The following DKK2 variants were observed in gnomAD, a reference collection of about 807,000 sequenced individuals.
DKK2 encodes dickkopf-related protein 2.
Under a neutral mutation model 28.1 loss-of-function variants are expected in DKK2, and 11 were observed. The observed-to-expected ratio is 0.39, with a 90% CI of 0.25 to 0.65. The LOEUF (loss-of-function observed/expected upper bound fraction) is 0.65. Among genes scored for constraint, DKK2 ranks in the 30% least tolerant of loss-of-function variants. The pLI is 0.47. For synonymous variants in DKK2, 135 were observed against 126.5 expected (o/e 1.07, Z -0.45); for missense variants, 326 against 335.5 (o/e 0.97, Z 0.22).
intron 1 of DKK2, among the ~76,000 whole-genome samples, chr4:107,009,057 C>T (rs1452097455): frequency 1.3e-5 from 2 of 151,898 alleles, no homozygotes; most frequent in Non-Finnish European, 2.9e-5. Context: ...CAAACGTGAA[C>T]ATCAAGGGTT....
rs983010386 is a variant in DKK2, at chr4:107,036,303, C to T, written c.-712G>A. ...CGCTCGCCGCGGGCTCCCGCTTTCT[C>T]TCTCTCTGCTCTCTCCCCAGTCCTC... On this transcript the variant is annotated 5_prime_UTR_variant, in exon 1 of 4. Coordinates refer to ENST00000285311, the MANE Select transcript of DKK2 (RefSeq NM_014421.3). 24 of 152,208 alleles carry T rather than the reference C, an allele frequency of 1.6e-4. No homozygotes were observed. Among genetic ancestry groups the T allele is most frequent in the African/African-American group, 4.8e-4 (20 of 41,478 alleles). The allele number at this position is 152,208 out of a possible 1,614,324, so 9.4% of individuals were successfully genotyped here.
chr4:106,942,915 T>C (rs1312398295), intron 1 of DKK2, among the ~76,000 whole-genome samples: 2 of 152,164 alleles, frequency 1.3e-5, no homozygotes, highest in African/African-American at 2.4e-5. Flanking sequence ...CTATTCTTAA[T>C]ATGCTGTATA....
chr4:107,011,623 T>C (rs1723518787), intron 1 of DKK2, among the ~76,000 whole-genome samples: 1 of 151,430 alleles, frequency 6.6e-6, no homozygotes, highest in South Asian at 2.1e-4. Flanking sequence ...AGTCAACATG[T>C]AATAAAATAA....
At chr4:106,987,809 A>C (rs1196240247) in intron 1 of DKK2, among the ~76,000 whole-genome samples, 1 of 151,474 alleles carries the variant, frequency 6.6e-6, no homozygotes, top group African/African-American at 2.4e-5. Flanking sequence ...AATAGTTAAA[A>C]GTTGATTTCC....
chr4:107,016,613 T>C (rs1006542096), intron 1 of DKK2, among the ~76,000 whole-genome samples: 4 of 152,010 alleles, frequency 2.6e-5, no homozygotes, highest in Non-Finnish European at 5.9e-5. Flanking sequence ...TGTTTTTAGC[T>C]ATTTTTCTGT....
intron 1 of DKK2, among the ~76,000 whole-genome samples, chr4:106,975,703 T>C (rs1254290827): frequency 6.6e-6 from 1 of 152,134 alleles, no homozygotes; most frequent in African/African-American, 2.4e-5. Flanking sequence ...CCTAGATTCA[T>C]TAATTTTTGG....
intron 1 of DKK2, among the ~76,000 whole-genome samples, chr4:106,994,518 C>T (rs1318582390): frequency 6.6e-6 from 1 of 151,098 alleles, no homozygotes; most frequent in Non-Finnish European, 1.5e-5. Context: ...CACACACACA[C>T]ATAGGACAAG....
chr4:106,966,816 T>G (rs1722787461), intron 1 of DKK2, among the ~76,000 whole-genome samples: 1 of 152,168 alleles, frequency 6.6e-6, no homozygotes, highest in African/African-American at 2.4e-5. Context: ...CTCATGAGAC[T>G]CATTCACTAT....
rs187708671 is a variant in DKK2 at position 107,030,160 on chromosome 4, A to C, written c.222+5210T>G. On this transcript the variant is annotated intron_variant, in intron 1 of 3. Coordinates refer to ENST00000285311, the MANE Select transcript of DKK2 (RefSeq NM_014421.3). Reference sequence around the variant, plus strand: ...TTCTGCTTTAAAGTTTTCTTTGATTAAATTTGCCATTACAAAGAAAAGAAC... The same window carrying C: ...TTCTGCTTTAAAGTTTTCTTTGATTCAATTTGCCATTACAAAGAAAAGAAC... Among the ~76,000 whole-genome samples the C allele has an allele frequency of 5.6e-3, 849 of 152,238 alleles. 6 individuals are homozygous for C. Among genetic ancestry groups the C allele is most frequent in the Non-Finnish European group, 6.9e-3 (471 of 67,934 alleles).
chr4:106,937,612 C>A (rs1367238498), intron 1 of DKK2, among the ~76,000 whole-genome samples: 1 of 151,860 alleles, frequency 6.6e-6, no homozygotes. Flanking sequence ...CTTCACCAAG[C>A]GGACCTAATA....
chr4:106,983,314 A>G lies in DKK2; in HGVS notation c.222+52056T>C, dbSNP rs144991400. Among the ~76,000 whole-genome samples, 434 of 140,448 alleles carry G rather than the reference A, an allele frequency of 3.1e-3. 2 individuals carry two copies. The highest frequency in any genetic ancestry group is 0.011 in the African/African-American group (421 of 36,664). The allele number at this position is 140,448 out of a possible 152,430, so 92.1% of individuals were successfully genotyped here. On this transcript the variant is annotated intron_variant, in intron 1 of 3. Transcript: ENST00000285311. ...GAAAGAAAAGAAAGGAAGAAGAAAG[A>G]AAGAAGAAAGAAAGGAAGAAAGGAA...
In DKK2 at chr4:107,035,742, C is replaced by T; in HGVS notation, c.-151G>A. ...CCTTCCTGGTTCGGGGACCCAGGAC[C>T]CTATGAACTCAGTCTCACGCCTCAG... On this transcript the variant is annotated 5_prime_UTR_variant, in exon 1 of 4. Coordinates refer to ENST00000285311, the MANE Select transcript of DKK2 (RefSeq NM_014421.3). The T allele has an allele frequency of 1.4e-6, 1 of 715,986 alleles. No homozygotes were observed. Among genetic ancestry groups the T allele is most frequent in the Non-Finnish European group, 2.3e-6 (1 of 436,912 alleles). 44.4% of individuals were successfully genotyped at this position (715,986 alleles called of 1,614,324 possible). A position where few individuals can be genotyped will look rare whatever the true frequency, so the allele number is the denominator to read the frequency against.
At chr4:106,982,727 G>GGA (rs1047123331) in intron 1 of DKK2, among the ~76,000 whole-genome samples, 9 of 151,804 alleles carry the variant, frequency 5.9e-5, no homozygotes, top group African/African-American at 1.7e-4. Flanking sequence ...GTAAAGCAGA[G>GGA]GAGAGAGAGA....
At chr4:107,018,875 G>A (rs1468160035) in intron 1 of DKK2, among the ~76,000 whole-genome samples, 2 of 152,068 alleles carry the variant, frequency 1.3e-5, no homozygotes, top group Admixed American at 6.6e-5. Flanking sequence ...TGCAATTTGG[G>A]GAGCTGAATT....
At chr4:107,034,465 A>G (rs1260819797) in intron 1 of DKK2, among the ~76,000 whole-genome samples, 1 of 151,994 alleles carries the variant, frequency 6.6e-6, no homozygotes, top group African/African-American at 2.4e-5. Context: ...ACTGGTACCG[A>G]GTGTGCGCGC....
chr4:107,016,027 G>A (rs1431963516), intron 1 of DKK2, among the ~76,000 whole-genome samples: 3 of 151,668 alleles, frequency 2.0e-5, no homozygotes, highest in Admixed American at 6.6e-5. Flanking sequence ...TTGTCATAAC[G>A]CCTCTTGTGT....
At chr4:106,969,532 A>C (rs1722832220) in intron 1 of DKK2, among the ~76,000 whole-genome samples, 1 of 152,094 alleles carries the variant, frequency 6.6e-6, no homozygotes, top group African/African-American at 2.4e-5. Context: ...AAGGAGAAGA[A>C]GAGGACAGTG....
intron 1 of DKK2, among the ~76,000 whole-genome samples, chr4:106,969,022 A>G (rs1276424923): frequency 6.6e-6 from 1 of 152,102 alleles, no homozygotes; most frequent in Non-Finnish European, 1.5e-5. Flanking sequence ...TGAAAAAGAA[A>G]TTTTAGCATT....
chr4:107,031,823 AT>A (rs577419517), intron 1 of DKK2, among the ~76,000 whole-genome samples: 37 of 152,052 alleles, frequency 2.4e-4, no homozygotes, highest in East Asian at 3.9e-4. Context: ...GCAAAGCTTG[AT>A]TTTTTTAGTA....
Sources: allele counts gnomAD v4.1 joint callset (sites outside exome capture counted in the v4.1 genomes callset), GRCh38; gene constraint gnomAD v4.1.1; transcripts MANE v1.5; gene names NCBI Gene and HGNC (gene_info 2026-07-23, HGNC 2026-07-21).